RELCH: variants seen among roughly 807,000 people sequenced by gnomAD.
The protein encoded by RELCH is RAB11 binding and LisH domain, coiled-coil and HEAT repeat containing.
In RELCH, 41 loss-of-function variants were observed where a neutral mutation model predicts 150.3. The ratio of observed to expected loss-of-function variants is 0.27; its 90% CI spans 0.21 to 0.35. The LOEUF (loss-of-function observed/expected upper bound fraction) is 0.35. Among genes scored for constraint, RELCH ranks in the 10% least tolerant of loss-of-function variants. The probability of loss-of-function intolerance (pLI) is 1.00; values close to 1 mark genes in which losing one functional copy is unlikely to be tolerated. For missense variants in RELCH, 1,092 were observed against 1,467.8 expected (o/e 0.74, Z 4.18); for synonymous variants, 478 against 531.8 (o/e 0.90, Z 1.39).
rs1427998218 is a variant in RELCH at position 62,308,095 on chromosome 18, A to T, written c.*2561A>T. ...GTCACTACTATACACTATAATTCTA[A>T]TGGGGGTCTCAAGTCAAGGTGCTAT... On this transcript the variant is annotated 3_prime_UTR_variant, in exon 29 of 29. Transcript: ENST00000644646. 6.6e-6 allele frequency: 1 copy of T among 152,174 alleles called. No homozygotes were observed. Among genetic ancestry groups the T allele is most frequent in the Non-Finnish European group, 1.5e-5 (1 of 68,028 alleles). The allele number at this position is 152,174 out of a possible 1,614,324, so 9.4% of individuals were successfully genotyped here. A position where few individuals can be genotyped will look rare whatever the true frequency, so the allele number is the denominator to read the frequency against.
At chr18:62,233,585 T>A (rs189671862) in intron 10 of RELCH, among the ~76,000 whole-genome samples, 1 of 152,114 alleles carries the variant, frequency 6.6e-6, no homozygotes. Flanking sequence ...CATAAGATAT[T>A]AATAAGTATG....
chr18:62,300,470 A>G (rs1600296784), intron 28 of RELCH: 2 of 152,332 alleles, frequency 1.3e-5, no homozygotes, highest in South Asian at 2.1e-4. Context: ...TACTTGAAGC[A>G]GTGAAAGGAA....
In RELCH at chr18:62,221,402, G is replaced by A; in HGVS notation, c.763G>A (p.Glu255Lys). The A allele has an allele frequency of 6.2e-7, 1 of 1,601,392 alleles. No individual in the cohort carries two copies. Among genetic ancestry groups the A allele is most frequent in the African/African-American group, 1.3e-5 (1 of 74,600 alleles). ...CTTCCAGGAGCCAATCAAACCTCTT[G>A]AAAAGAGAGCTCTAAACTTCTTAGT... ...PEIQEPIKPLEKRALNFLVNE... is the reference protein window; with the variant it reads ...PEIQEPIKPLKKRALNFLVNE... The change falls in exon 5 of 29, where the codon GAA becomes AAA. Residue 255 changes from glutamate to lysine, a missense_variant. This residue lies in a region of RELCH where 190 missense variants were observed against 276.2 expected (regional missense o/e 0.69). Transcript: ENST00000644646.
chr18:62,207,207 A>G (rs2039860181), intron 1 of RELCH, among the ~76,000 whole-genome samples: 1 of 152,126 alleles, frequency 6.6e-6, no homozygotes, highest in African/African-American at 2.4e-5. Context: ...CTATCACTAT[A>G]TATTTGCCTA....
intron 1 of RELCH, among the ~76,000 whole-genome samples, chr18:62,196,200 GA>G (rs1018588038): frequency 6.6e-6 from 1 of 151,994 alleles, no homozygotes; most frequent in African/African-American, 2.4e-5. Context: ...TGCTTTCTGA[GA>G]GAGAAAATAC....
At chr18:62,302,079 G>T (rs542460215) in intron 28 of RELCH, among the ~76,000 whole-genome samples, 1 of 152,334 alleles carries the variant, frequency 6.6e-6, no homozygotes, top group East Asian at 1.9e-4. Flanking sequence ...AATATGAGAA[G>T]ATGGATTTGA....
Position 62,227,441 on chromosome 18 carries a change from A to G in RELCH, c.1011A>G (p.Thr337=), listed in dbSNP as rs2041285732. The G allele has an allele frequency of 3.1e-6, 5 of 1,613,356 alleles. No homozygotes were observed. The highest frequency in any genetic ancestry group is 2.7e-5 in the African/African-American group (2 of 74,944). ...AAGAAGATGAATTAGAGGCCCTTAC[A>G]CCAATTATAAGCAACCTTCCTCCAA... The part of the protein sequence containing the change: ...GVEEDELEAL[T]PIISNLPPTL... The change falls in exon 6 of 29, where the codon ACA becomes ACG. Residue 337 remains threonine, a synonymous_variant. Coordinates refer to ENST00000644646, the MANE Select transcript of RELCH (RefSeq NM_001346231.2).
At chr18:62,281,091 A>C (rs1471250252) in intron 24 of RELCH, among the ~76,000 whole-genome samples, 4 of 152,204 alleles carry the variant, frequency 2.6e-5, no homozygotes, top group Non-Finnish European at 5.9e-5. Context: ...TAAAAGCCTT[A>C]AACAAAACAA....
intron 1 of RELCH, among the ~76,000 whole-genome samples, chr18:62,190,344 T>A (rs2148157553): frequency 6.6e-6 from 1 of 152,230 alleles, no homozygotes; most frequent in Admixed American, 6.5e-5. Context: ...TTTGGGAGGA[T>A]GAGGCAGCCA....
chr18:62,203,730 C>T (rs542693165), intron 1 of RELCH, among the ~76,000 whole-genome samples: 4 of 152,196 alleles, frequency 2.6e-5, no homozygotes, highest in African/African-American at 7.2e-5. Flanking sequence ...TATGTGATCC[C>T]AGCACTTTGG....
At chr18:62,274,978 G>A (rs1361420482) in intron 21 of RELCH, among the ~76,000 whole-genome samples, 3 of 152,164 alleles carry the variant, frequency 2.0e-5, no homozygotes, top group Non-Finnish European at 4.4e-5. Flanking sequence ...GTGCAGTGGT[G>A]CGATCTCAGC....
At chr18:62,210,218 A>G (rs1428657528) in intron 1 of RELCH, among the ~76,000 whole-genome samples, 3 of 152,158 alleles carry the variant, frequency 2.0e-5, no homozygotes, top group Non-Finnish European at 4.4e-5. Context: ...CTATTTGATT[A>G]ATAGGTGCCT....
chr18:62,268,552 A>C lies in RELCH; in HGVS notation c.2681-317A>C, dbSNP rs2043713007. On this transcript the variant is annotated intron_variant, in intron 19 of 28. Transcript: ENST00000644646. ...CAAATTGAAAGCATAAAAATTTTGGACAACCTGCCTATAGGGACGCTTAGA... is the reference window on the plus strand; with the variant it reads ...CAAATTGAAAGCATAAAAATTTTGGCCAACCTGCCTATAGGGACGCTTAGA... 3 of 165,682 alleles carry C rather than the reference A, an allele frequency of 1.8e-5. No individual in the cohort carries two copies. The East Asian group carries it at 5.1e-4, about 28-fold the overall frequency. 10.3% of individuals were successfully genotyped at this position (165,682 alleles called of 1,614,324 possible). A position where few individuals can be genotyped will look rare whatever the true frequency, so the allele number is the denominator to read the frequency against.
Position 62,298,818 on chromosome 18 carries a change from G to A in RELCH, c.3488G>A (p.Cys1163Tyr), listed in dbSNP as rs1297897516. 6.3e-6 allele frequency: 10 copies of A among 1,587,970 alleles called. No homozygotes were observed. Among genetic ancestry groups the A allele is most frequent in the Non-Finnish European group, 7.8e-6 (9 of 1,159,802 alleles). The change falls in exon 28 of 29, where the codon TGT becomes TAT. Residue 1163 changes from cysteine (C) to tyrosine (Y), a missense_variant. Physicochemically the swap from Cys to Tyr is radical, Grantham distance 194. Around this residue, in one of 4 missense-constraint regions of RELCH, gnomAD observed 707 missense variants for 1,025.4 expected, o/e 0.69. Coordinates refer to ENST00000644646, the MANE Select transcript of RELCH (RefSeq NM_001346231.2). ...ATTTTAAGTTCCATGATAAAAGAAT[G>A]TGAACAAAAAGTTGAAAACAAGACC... ...EVILSSMIKE[C>Y]EQKVENKTVQ...
intron 28 of RELCH, among the ~76,000 whole-genome samples, chr18:62,304,450 C>T (rs965859172): frequency 6.6e-6 from 1 of 152,202 alleles, no homozygotes; most frequent in Non-Finnish European, 1.5e-5. Flanking sequence ...GCAGCACACA[C>T]CTCATGCAGT....
rs773402830 is a variant in RELCH, at chr18:62,187,595, T to C, written c.90T>C (p.Ala30=). 4 of 1,530,078 alleles carry C rather than the reference T, an allele frequency of 2.6e-6. No individual in the cohort carries two copies. The African/African-American group carries it at 4.2e-5, about 16-fold the overall frequency. The allele number at this position is 1,530,078 out of a possible 1,614,324, so 94.8% of individuals were successfully genotyped here. Reference sequence around the variant, plus strand: ...CGGATGAGGACGATGACGAGGTAGCTGCAACAGAGGAACGGCGGGCAGTAC... The same window carrying C: ...CGGATGAGGACGATGACGAGGTAGCCGCAACAGAGGAACGGCGGGCAGTAC... ...SDSDEDDDEV[A]ATEERRAVLR... is the part of the protein sequence containing the mutation. The change falls in exon 1 of 29, where the codon GCT becomes GCC. Residue 30 remains alanine, a synonymous_variant. Transcript: ENST00000644646.
chr18:62,269,566 T>C (rs868764105), intron 20 of RELCH: 4 of 215,822 alleles, frequency 1.9e-5, no homozygotes, highest in Middle Eastern at 4.1e-3. Context: ...TTTGTGTACA[T>C]TGAACCATCA....
At chr18:62,235,754 G>T (rs1464393786) in intron 10 of RELCH, among the ~76,000 whole-genome samples, 2 of 151,956 alleles carry the variant, frequency 1.3e-5, no homozygotes, top group African/African-American at 4.8e-5. Context: ...GAAGGGAAAG[G>T]TTTATCCTGG....
intron 1 of RELCH, among the ~76,000 whole-genome samples, chr18:62,188,771 G>A (rs569636824): frequency 1.3e-5 from 2 of 152,110 alleles, no homozygotes; most frequent in Non-Finnish European, 2.9e-5. Context: ...TAGAGTAATC[G>A]TTTACCCCAT....
Sources: gnomAD v4.1 joint callset for allele counts (sites outside exome capture counted in the v4.1 genomes callset) on GRCh38, gnomAD v4.1.1 for gene constraint, gnomAD v4.1.1 regional missense constraint, MANE v1.5 for transcripts, NCBI Gene and HGNC (gene_info 2026-07-23, HGNC 2026-07-21) for gene names.